The following LPP variants were observed in gnomAD, a reference collection of about 807,000 sequenced individuals.
The protein encoded by LPP is LIM domain containing preferred translocation partner in lipoma.
In LPP, 38 loss-of-function variants were observed where a neutral mutation model predicts 60.4. The observed-to-expected ratio is 0.63, with a 90% CI of 0.49 to 0.83. The LOEUF (loss-of-function observed/expected upper bound fraction) is 0.83. Among genes scored for constraint, LPP ranks in the 40% least tolerant of loss-of-function variants. The pLI, the probability that LPP is intolerant of heterozygous loss-of-function variation, is 0.00. For missense variants in LPP, 902 were observed against 783.6 expected (o/e 1.15, Z -1.80); for synonymous variants, 328 against 290.8 (o/e 1.13, Z -1.30).
intron 5 of LPP, among the ~76,000 whole-genome samples, chr3:188,506,875 G>T (rs1813637305): frequency 6.6e-6 from 1 of 152,016 alleles, no homozygotes; most frequent in Non-Finnish European, 1.5e-5. Flanking sequence ...TCGGCTCACT[G>T]CAAGCTCCGC....
intron 3 of LPP, among the ~76,000 whole-genome samples, chr3:188,396,801 G>T (rs13091753): frequency 0.39 from 58,702 of 151,460 alleles, 11,628 homozygotes; most frequent in South Asian, 0.45. Flanking sequence ...CAAGGACTTA[G>T]AAGAAACCTG....
chr3:188,358,827 T>C (rs1768371639), intron 3 of LPP, among the ~76,000 whole-genome samples: 1 of 152,176 alleles, frequency 6.6e-6, no homozygotes. Context: ...TTTGTCATGC[T>C]TTAACTCATT....
chr3:188,399,760 A>C (rs568064808), intron 3 of LPP, among the ~76,000 whole-genome samples: 1 of 152,322 alleles, frequency 6.6e-6, no homozygotes, highest in East Asian at 1.9e-4. Context: ...ATTGCACTGG[A>C]TGTTGGATAA....
At chr3:188,178,185 A>C (rs1723643291) in intron 1 of LPP, among the ~76,000 whole-genome samples, 3 of 152,172 alleles carry the variant, frequency 2.0e-5, no homozygotes, top group Admixed American at 2.0e-4. Flanking sequence ...TCAGGGAATC[A>C]GCCAATTTCA....
chr3:188,584,820 C>A (rs535572942), intron 6 of LPP, among the ~76,000 whole-genome samples: 1 of 151,944 alleles, frequency 6.6e-6, no homozygotes, highest in South Asian at 2.1e-4. Context: ...TTTCTACCAA[C>A]CTTTTTTGAA....
intron 6 of LPP, among the ~76,000 whole-genome samples, chr3:188,538,838 TACTC>T (rs570778690): frequency 6.9e-4 from 105 of 152,278 alleles, no homozygotes; most frequent in African/African-American, 2.4e-3. Flanking sequence ...AATTGAATAT[TACTC>T]AGCCATAAAA....
chr3:188,452,892 G>A (rs576563759), intron 4 of LPP, among the ~76,000 whole-genome samples: 32 of 151,978 alleles, frequency 2.1e-4, no homozygotes, highest in Admixed American at 5.9e-4. Flanking sequence ...TCTCTTTCTC[G>A]TACTATTTTG....
chr3:188,243,353 A>C (rs537947537), intron 2 of LPP, among the ~76,000 whole-genome samples: 1 of 152,294 alleles, frequency 6.6e-6, no homozygotes, highest in South Asian at 2.1e-4. Context: ...CAGGATTCAC[A>C]AGAAATTGGC....
rs75213443 is a variant in LPP at position 188,546,511 on chromosome 3, G to A, written c.429+21724G>A. ...AGGAGATCTCAAGAAAAGAAGCAAC[G>A]TAACATTTCACTAGTTCCATACAGA... On this transcript the variant is annotated intron_variant, in intron 6 of 11. Coordinates refer to ENST00000617246, the MANE Select transcript of LPP (RefSeq NM_001375462.1). 8.1e-4 allele frequency among the ~76,000 whole-genome samples: 123 copies of A among 152,150 alleles called. 1 individual carries two copies. The highest frequency in any genetic ancestry group is 2.7e-3 in the African/African-American group (114 of 41,512).
intron 9 of LPP, among the ~76,000 whole-genome samples, chr3:188,855,053 C>G (rs189090650): frequency 4.3e-4 from 66 of 152,316 alleles, no homozygotes; most frequent in African/African-American, 1.5e-3. Context: ...GGGTTTTAGA[C>G]ATTCTCCTGG....
chr3:188,663,871 G>A (rs771490164), intron 7 of LPP, among the ~76,000 whole-genome samples: 1 of 152,106 alleles, frequency 6.6e-6, no homozygotes, highest in Non-Finnish European at 1.5e-5. Context: ...TTCACAATAA[G>A]GTTCGCACCC....
chr3:188,399,106 T>C (rs543733637), intron 3 of LPP, among the ~76,000 whole-genome samples: 2 of 152,326 alleles, frequency 1.3e-5, no homozygotes, highest in East Asian at 3.9e-4. Flanking sequence ...TCTAATTCCA[T>C]CACTACATTT....
chr3:188,484,564 C>G, intron 4 of LPP, 28 bp from the exon 5 acceptor site: 2 of 1,502,596 alleles, frequency 1.3e-6, no homozygotes, highest in Non-Finnish European at 1.9e-6. Context: ...TCCTTATTAA[C>G]TTCATGTTGT....
chr3:188,803,071 G>C (rs1353977672), intron 9 of LPP, among the ~76,000 whole-genome samples: 4 of 136,328 alleles, frequency 2.9e-5, no homozygotes, highest in Non-Finnish European at 6.3e-5. Flanking sequence ...TTGAGACAGG[G>C]TCTCACTCTA....
At position 188,244,899 on chromosome 3, in the gene LPP, T is replaced by C. The variant is rs1726328899; in HGVS notation, c.-67+19372T>C. ...TGGTTCATGGTAGATTTTCAATGAATCTGAGTGAATGAATGATGGATGAAT... is the reference window on the plus strand; with the variant it reads ...TGGTTCATGGTAGATTTTCAATGAACCTGAGTGAATGAATGATGGATGAAT... On this transcript the variant is annotated intron_variant, in intron 2 of 11. Coordinates refer to ENST00000617246, the MANE Select transcript of LPP (RefSeq NM_001375462.1). Among the ~76,000 whole-genome samples the C allele has an allele frequency of 2.6e-5, 4 of 152,194 alleles. No homozygotes were observed. In the South Asian group the frequency reaches 8.3e-4, roughly 31 times the overall value.
At chr3:188,687,159 A>G (rs973501762) in intron 7 of LPP, among the ~76,000 whole-genome samples, 2 of 152,188 alleles carry the variant, frequency 1.3e-5, no homozygotes, top group African/African-American at 4.8e-5. Context: ...CAGGTAATGG[A>G]GATCATCTAG....
chr3:188,365,981 T>G (rs749952898), intron 3 of LPP, among the ~76,000 whole-genome samples: 25 of 152,322 alleles, frequency 1.6e-4, no homozygotes, highest in Middle Eastern at 3.4e-3. Context: ...GCACTGTGTA[T>G]TAAATCTCCA....
At chr3:188,490,963 G>A (rs945026491) in intron 5 of LPP, among the ~76,000 whole-genome samples, 32 of 151,660 alleles carry the variant, frequency 2.1e-4, no homozygotes, top group South Asian at 8.4e-4. Context: ...AGGTTTCACC[G>A]TGTTAGCCAG....
chr3:188,661,375 C>T lies in LPP; in HGVS notation c.1114-46892C>T, dbSNP rs567045822. 2.6e-5 allele frequency among the ~76,000 whole-genome samples: 4 copies of T among 152,250 alleles called. No individual in the cohort carries two copies. The South Asian group carries it at 6.2e-4, about 24-fold the overall frequency. On this transcript the variant is annotated intron_variant, in intron 7 of 11. Coordinates refer to ENST00000617246, the MANE Select transcript of LPP (RefSeq NM_001375462.1). ...ATACCAAGGAATGTGATTGCCGGAT[C>T]GTATGGTAAGAGTATGTTTAGTTTT...
Sources: gnomAD v4.1 joint callset for allele counts (sites outside exome capture counted in the v4.1 genomes callset) on GRCh38, gnomAD v4.1.1 for gene constraint, MANE v1.5 for transcripts, NCBI Gene and HGNC (gene_info 2026-07-23, HGNC 2026-07-21) for gene names.